EXOC5: variants seen among roughly 807,000 people sequenced by gnomAD.
EXOC5 encodes the protein SEC10-like 1.
A neutral mutation model predicts 90.8 loss-of-function variants in EXOC5; 17 were observed. That is an observed-to-expected ratio of 0.19 (90% CI 0.13 to 0.28). The LOEUF is 0.28. EXOC5 is among the 10% of genes least tolerant of loss of function. EXOC5 has a pLI of 1.00. For synonymous variants in EXOC5, 260 were observed against 270.0 expected (o/e 0.96, Z 0.36); for missense variants, 569 against 830.6 (o/e 0.69, Z 3.87).
intron 1 of EXOC5, among the ~76,000 whole-genome samples, chr14:57,257,141 T>C (rs961121660): frequency 6.6e-6 from 1 of 152,092 alleles, no homozygotes; most frequent in Non-Finnish European, 1.5e-5. Context: ...TTCATATAAG[T>C]TGCTGATAGA....
chr14:57,236,474 C>T lies in EXOC5; in HGVS notation c.560-654G>A, dbSNP rs547874761. Reference sequence around the variant, plus strand: ...CTAATTTTTGTATTTTTAATAGAGACGGGGTTTCACTATGTTGGCCAAGCT... The same window carrying T: ...CTAATTTTTGTATTTTTAATAGAGATGGGGTTTCACTATGTTGGCCAAGCT... On this transcript the variant is annotated intron_variant, in intron 6 of 17. Coordinates refer to ENST00000621441, the MANE Select transcript of EXOC5 (RefSeq NM_006544.4). Among the ~76,000 whole-genome samples the T allele has an allele frequency of 1.3e-3, 203 of 151,732 alleles. 1 individual carries two copies. Among genetic ancestry groups the T allele is most frequent in the Non-Finnish European group, 2.3e-3 (158 of 67,892 alleles).
intron 12 of EXOC5, among the ~76,000 whole-genome samples, chr14:57,223,590 C>T (rs1476773031): frequency 6.6e-6 from 1 of 152,060 alleles, no homozygotes; most frequent in African/African-American, 2.4e-5. Context: ...AAAAAATGCT[C>T]TTACCTTCTT....
chr14:57,210,322 A>G (rs1334014051), intron 15 of EXOC5, among the ~76,000 whole-genome samples: 1 of 152,178 alleles, frequency 6.6e-6, no homozygotes, highest in Non-Finnish European at 1.5e-5. Context: ...AGATCTCAGA[A>G]GTCTGTCATT....
rs78999262 is a variant in EXOC5 at position 57,252,438 on chromosome 14, T to G, written c.28-4726A>C. Reference sequence around the variant, plus strand: ...AAAATACATAAGGAACTCAACTCAATAGGAAGAAAACAACCTGGATTTTAA... The same window carrying G: ...AAAATACATAAGGAACTCAACTCAAGAGGAAGAAAACAACCTGGATTTTAA... On this transcript the variant is annotated intron_variant, in intron 1 of 17. Coordinates refer to ENST00000621441, the MANE Select transcript of EXOC5 (RefSeq NM_006544.4). 6.7e-3 allele frequency among the ~76,000 whole-genome samples: 1,011 copies of G among 151,994 alleles called. 13 individuals carry two copies. The highest frequency in any genetic ancestry group is 0.023 in the African/African-American group (959 of 41,468).
chr14:57,258,169 C>T (rs1884404283), intron 1 of EXOC5, among the ~76,000 whole-genome samples: 1 of 152,108 alleles, frequency 6.6e-6, no homozygotes, highest in South Asian at 2.1e-4. Context: ...ATCAGAAATA[C>T]CATTTGACCC....
At chr14:57,219,552 G>T in intron 13 of EXOC5, 110 bp from the exon 14 acceptor site, 1 of 810,676 alleles carries the variant, frequency 1.2e-6, no homozygotes, top group East Asian at 3.0e-5. Flanking sequence ...AAATGACACC[G>T]CTATTTTAAT....
chr14:57,256,221 A>C (rs1171437774), intron 1 of EXOC5, among the ~76,000 whole-genome samples: 2 of 152,094 alleles, frequency 1.3e-5, no homozygotes. Context: ...GCTAATACAC[A>C]ATGGGGGCAG....
chr14:57,236,877 G>C (rs978019633), intron 6 of EXOC5, among the ~76,000 whole-genome samples: 1 of 151,012 alleles, frequency 6.6e-6, no homozygotes, highest in African/African-American at 2.5e-5. Flanking sequence ...CATGTAAGGA[G>C]TTAAATAGAT....
chr14:57,221,141 G>C lies in EXOC5; in HGVS notation c.1405+1167C>G, dbSNP rs192424100. On this transcript the variant is annotated intron_variant, in intron 13 of 17. Coordinates refer to ENST00000621441, the MANE Select transcript of EXOC5 (RefSeq NM_006544.4). Reference sequence around the variant, plus strand: ...GTGATGATCAGCAATGCCTCTCTGAGAAGATAACATCTTAGTTGAGATCAG... The same window carrying C: ...GTGATGATCAGCAATGCCTCTCTGACAAGATAACATCTTAGTTGAGATCAG... 9.7e-4 allele frequency among the ~76,000 whole-genome samples: 147 copies of C among 152,290 alleles called. 1 individual carries two copies. Among genetic ancestry groups the C allele is most frequent in the African/African-American group, 3.4e-3 (140 of 41,560 alleles).
intron 1 of EXOC5, among the ~76,000 whole-genome samples, chr14:57,265,657 A>G (rs1332602469): frequency 1.3e-5 from 2 of 152,332 alleles, no homozygotes; most frequent in African/African-American, 4.8e-5. Flanking sequence ...CCAGGAGGGT[A>G]GAGGCTGCAG....
intron 14 of EXOC5, 29 bp from the exon 15 acceptor site, chr14:57,218,097 T>C: frequency 1.8e-6 from 2 of 1,103,154 alleles, no homozygotes; most frequent in South Asian, 1.3e-5. Flanking sequence ...GGAAAAAGAA[T>C]CATATTAATA....
chr14:57,267,487 G>A (rs1482746979), intron 1 of EXOC5, among the ~76,000 whole-genome samples: 1 of 152,062 alleles, frequency 6.6e-6, no homozygotes, highest in East Asian at 1.9e-4. Flanking sequence ...TGAATCTTAC[G>A]CAGAAAAAGG....
Position 57,268,888 on chromosome 14 carries a change from T to C in EXOC5, c.-240A>G, listed in dbSNP as rs1407085763. 4.1e-5 allele frequency: 45 copies of C among 1,093,812 alleles called. No individual in the cohort carries two copies. Among genetic ancestry groups the C allele is most frequent in the Non-Finnish European group, 3.5e-5 (28 of 807,634 alleles). 67.8% of individuals were successfully genotyped at this position (1,093,812 alleles called of 1,614,324 possible). A position where few individuals can be genotyped will look rare whatever the true frequency, so the allele number is the denominator to read the frequency against. ...CGCTGCTCCCATTGTCACCGCCTCATACGCCGGAAGTGGAACTGCGCGCGC... is the reference window on the plus strand; with the variant it reads ...CGCTGCTCCCATTGTCACCGCCTCACACGCCGGAAGTGGAACTGCGCGCGC... On this transcript the variant is annotated 5_prime_UTR_variant, in exon 1 of 18. It removes an upstream start codon present in the reference 5' UTR. Transcript: ENST00000621441.
chr14:57,243,655 TAAAC>T, intron 4 of EXOC5: 1 of 152,984 alleles, frequency 6.5e-6, no homozygotes, highest in Non-Finnish European at 1.5e-5. Flanking sequence ...AGGATTAACA[TAAAC>T]AATTAATTCA....
At chr14:57,239,382 A>T (rs1194354063) in intron 5 of EXOC5, 3 of 387,388 alleles carry the variant, frequency 7.7e-6, no homozygotes, top group Non-Finnish European at 1.4e-5. Flanking sequence ...CCTATCATTA[A>T]ATTTAGATAT....
At chr14:57,265,644 G>C (rs1376458367) in intron 1 of EXOC5, among the ~76,000 whole-genome samples, 4 of 152,310 alleles carry the variant, frequency 2.6e-5, no homozygotes, top group Middle Eastern at 6.8e-3. Flanking sequence ...CAGATGGATT[G>C]TGCCAGGAGG....
At chr14:57,216,697 C>T (rs1052115244) in intron 15 of EXOC5, among the ~76,000 whole-genome samples, 2 of 151,978 alleles carry the variant, frequency 1.3e-5, no homozygotes, top group African/African-American at 4.8e-5. Context: ...TAGAAGAAAA[C>T]GTAAGAAAAA....
At position 57,209,573 on chromosome 14, in the gene EXOC5, G is replaced by A. The variant is rs1882763976; in HGVS notation, c.1932C>T (p.Asp644=). ...TGTTTTTGTGTACACATACCTTGAAGTCTTTGGCACACTTCCTATATTCGG... is the reference window on the plus strand; with the variant it reads ...TGTTTTTGTGTACACATACCTTGAAATCTTTGGCACACTTCCTATATTCGG... ...DVAEYRKCAK[D]FKIPMVLHLF... The change falls in exon 17 of 18, where the codon GAC becomes GAT. Residue 644 remains aspartate, a synonymous_variant. Transcript: ENST00000621441. 3.1e-6 allele frequency: 5 copies of A among 1,605,092 alleles called. No individual in the cohort carries two copies. Among genetic ancestry groups the A allele is most frequent in the Non-Finnish European group, 3.4e-6 (4 of 1,172,894 alleles).
At position 57,207,135 on chromosome 14, in the gene EXOC5, G is replaced by A. The variant is rs554380054; in HGVS notation, c.*1474C>T. 6.6e-6 allele frequency: 1 copy of A among 152,402 alleles called. No individual in the cohort carries two copies. The highest frequency in any genetic ancestry group is 1.5e-5 in the Non-Finnish European group (1 of 67,938). 9.4% of individuals were successfully genotyped at this position (152,402 alleles called of 1,614,324 possible). A position where few individuals can be genotyped will look rare whatever the true frequency, so the allele number is the denominator to read the frequency against. On this transcript the variant is annotated 3_prime_UTR_variant, in exon 18 of 18. Coordinates refer to ENST00000621441, the MANE Select transcript of EXOC5 (RefSeq NM_006544.4). ...TCCCCAGCTTACCTTGGTAACACTGGACTAAACAGAAAATGAAGAAAATTC... is the reference window on the plus strand; with the variant it reads ...TCCCCAGCTTACCTTGGTAACACTGAACTAAACAGAAAATGAAGAAAATTC...
Sources: gnomAD v4.1 joint callset for allele counts (sites outside exome capture counted in the v4.1 genomes callset) on GRCh38, gnomAD v4.1.1 for gene constraint, MANE v1.5 for transcripts, NCBI Gene and HGNC (gene_info 2026-07-23, HGNC 2026-07-21) for gene names.